TBCCD1: variants seen among roughly 807,000 people sequenced by gnomAD.
TBCCD1 encodes TBCC domain-containing protein 1.
TBCCD1 carries 26 observed loss-of-function variants against 53.4 expected under a neutral mutation model. The observed-to-expected ratio is 0.49, with a 90% confidence interval of 0.36 to 0.68. The LOEUF is 0.68. Ranked by LOEUF, TBCCD1 falls within the 30% of genes least tolerant of loss-of-function variation. The pLI is 0.00. For synonymous variants in TBCCD1, 245 were observed against 241.7 expected, an observed-to-expected ratio of 1.01 and a Z score of -0.13; for missense variants, 558 against 669.5, an observed-to-expected ratio of 0.83 and a Z score of 1.84.
At chr3:186,562,581 A>G (rs1714717824) in intron 2 of TBCCD1, among the ~76,000 whole-genome samples, 1 of 152,224 alleles carries the variant, frequency 6.6e-6, no homozygotes, top group Admixed American at 6.5e-5. Flanking sequence ...TCCGTTATGC[A>G]AGAAAATTAA....
At chr3:186,547,125 G>A (rs544103339) in intron 7 of TBCCD1, among the ~76,000 whole-genome samples, 170 bp from the exon 8 acceptor site, 2 of 152,108 alleles carry the variant, frequency 1.3e-5, no homozygotes, top group Non-Finnish European at 2.9e-5. Context: ...TTTGCTAGGT[G>A]TAATGTTAGA....
rs1714553313 is a variant in TBCCD1 at position 186,556,690 on chromosome 3, G to C, written c.578C>G (p.Thr193Ser). The change falls in exon 4 of 8, where the codon ACT (threonine) becomes AGT (serine). Residue 193 changes from threonine (T) to serine (S), a missense_variant. Thr to Ser is a moderately conservative substitution (Grantham distance 58). Transcript: ENST00000338733. The stretch of plus-strand genomic sequence containing the variant: ...ACTATGGGTTGAATGAAATGATGCA[G>C]TGAGTTGTTTTGGATCTAAAAGCAG... ...LELLLDPKQLTASFHSTHSSL... is the reference protein window; with the variant it reads ...LELLLDPKQLSASFHSTHSSL... 4 of 1,614,172 alleles carry C rather than the reference G, an allele frequency of 2.5e-6. No homozygotes were observed. Among genetic ancestry groups the C allele is most frequent in the African/African-American group, 1.3e-5 (1 of 75,034 alleles).
intron 6 of TBCCD1, chr3:186,553,223 T>C (rs1156476289): frequency 6.6e-6 from 1 of 152,250 alleles, no homozygotes; most frequent in East Asian, 1.9e-4. Flanking sequence ...CACATGTATA[T>C]GCAGGAGCTT....
upstream of TBCCD1, among the ~76,000 whole-genome samples, chr3:186,569,235 A>T (rs1714932900): frequency 6.6e-6 from 1 of 152,072 alleles, no homozygotes; most frequent in Admixed American, 6.6e-5. Context: ...TGGAGTTGGG[A>T]TTTTATTCTA....
chr3:186,570,118 G>C (rs1714972087), upstream of TBCCD1: 1 of 702,482 alleles, frequency 1.4e-6, no homozygotes, highest in East Asian at 2.7e-5. Flanking sequence ...ACTAAGAAGC[G>C]GTGGAAGCCG....
chr3:186,565,111 T>TC (rs201631209), intron 1 of TBCCD1, among the ~76,000 whole-genome samples: 249 of 140,028 alleles, frequency 1.8e-3, no homozygotes, highest in Middle Eastern at 7.1e-3. Context: ...TTCTTCTTCT[T>TC]TTTTTTTTTT....
At position 186,558,414 on chromosome 3, in the gene TBCCD1, T is replaced by C. The variant is rs1354325035; in HGVS notation, c.492+3A>G. On this transcript the variant is annotated splice_donor_region_variant and intron_variant, in intron 3 of 7. Coordinates refer to ENST00000338733, the MANE Select transcript of TBCCD1 (RefSeq NM_018138.5). The stretch of plus-strand genomic sequence containing the variant: ...GAGAATGAGATCAAGATATAAGGAG[T>C]ACCTTATTATGACAATTAGATTTTT... 2.5e-6 allele frequency: 4 copies of C among 1,612,800 alleles called. No homozygotes were observed. In the African/African-American group the frequency reaches 4.0e-5, roughly 16 times the overall value.
rs769900124 is a variant in TBCCD1 at position 186,551,290 on chromosome 3, G to A, written c.1545-11C>T. On this transcript the variant is annotated splice_polypyrimidine_tract_variant and intron_variant, in intron 6 of 7. Coordinates refer to ENST00000338733, the MANE Select transcript of TBCCD1 (RefSeq NM_018138.5). ...TGCTTCCTTTGATCCCTAAAATTGC[G>A]ATTATGAGTAAAAAGAATATAAGAA... 7.5e-6 allele frequency: 12 copies of A among 1,608,060 alleles called. No individual in the cohort carries two copies. The highest frequency in any genetic ancestry group is 2.2e-5 in the East Asian group (1 of 44,830).
chr3:186,562,475 A>G lies in TBCCD1; in HGVS notation c.336+1519T>C, dbSNP rs145011523. On this transcript the variant is annotated intron_variant, in intron 2 of 7. Coordinates refer to ENST00000338733, the MANE Select transcript of TBCCD1 (RefSeq NM_018138.5). ...GTAATCTCACTTATATGTGGAATCT[A>G]AAATAGTCAAACTCATAAAAACAGA... 9.7e-3 allele frequency among the ~76,000 whole-genome samples: 1,470 copies of G among 152,290 alleles called. 20 individuals are homozygous for G. Among genetic ancestry groups the G allele is most frequent in the African/African-American group, 0.033 (1,378 of 41,550 alleles).
At chr3:186,556,976 T>C (rs1714561552) in intron 3 of TBCCD1, among the ~76,000 whole-genome samples, 1 of 152,224 alleles carries the variant, frequency 6.6e-6, no homozygotes, top group Admixed American at 6.5e-5. Flanking sequence ...TTAACAAGCA[T>C]GATGGCTATT....
chr3:186,565,109 CT>C (rs370017010), intron 1 of TBCCD1, among the ~76,000 whole-genome samples: 283 of 124,740 alleles, frequency 2.3e-3, no homozygotes, highest in Admixed American at 4.8e-3. Context: ...TCTTCTTCTT[CT>C]TTTTTTTTTT....
At chr3:186,566,241 T>C (rs1191098269) in intron 1 of TBCCD1, among the ~76,000 whole-genome samples, 1 of 152,334 alleles carries the variant, frequency 6.6e-6, no homozygotes, top group Admixed American at 6.5e-5. Context: ...GGTTTCACCA[T>C]GTTGGCCAGG....
intron 2 of TBCCD1, among the ~76,000 whole-genome samples, chr3:186,562,358 G>A (rs998952967): frequency 6.6e-6 from 1 of 152,142 alleles, no homozygotes; most frequent in African/African-American, 2.4e-5. Context: ...AAAACAGAAA[G>A]AGAGAGAAAT....
intron 3 of TBCCD1, 140 bp downstream of exon 3, chr3:186,558,277 T>G: frequency 9.0e-7 from 1 of 1,105,112 alleles, no homozygotes; most frequent in Non-Finnish European, 1.3e-6. Flanking sequence ...GTTTTATAAT[T>G]TAAAAAAAAA....
rs143753735 is a variant in TBCCD1 at position 186,548,491 on chromosome 3, C to A, written c.*22-1536G>T. ...GAATATACTTAAAAGCTACTGAATTCTTTACTTTAAAAAGGTGAATTTACT... is the reference window on the plus strand; with the variant it reads ...GAATATACTTAAAAGCTACTGAATTATTTACTTTAAAAAGGTGAATTTACT... On this transcript the variant is annotated intron_variant, in intron 7 of 7. Transcript: ENST00000338733. Among the ~76,000 whole-genome samples, 125 of 152,268 alleles carry A rather than the reference C, an allele frequency of 8.2e-4. 1 individual carries two copies. The highest frequency in any genetic ancestry group is 2.9e-3 in the African/African-American group (119 of 41,556).
chr3:186,564,033 G>A lies in TBCCD1; in HGVS notation c.297C>T (p.Asn99=). 6.2e-7 allele frequency: 1 copy of A among 1,613,784 alleles called. No homozygotes were observed. Among genetic ancestry groups the A allele is most frequent in the South Asian group, 1.1e-5 (1 of 91,054 alleles). The change falls in exon 2 of 8, where the codon AAC becomes AAT. Residue 99 remains asparagine, a synonymous_variant. Transcript: ENST00000338733. The stretch of plus-strand genomic sequence containing the variant: ...TTTCAACTTCCTCCTCAGACATGCA[G>A]TTGGACAGAACCTCAGACCATTCCA... ...ERLEWSEVLS[N]CMSEEEVEKQ... is the part of the protein sequence containing the mutation.
intron 7 of TBCCD1, among the ~76,000 whole-genome samples, chr3:186,547,603 A>G (rs1043611673): frequency 1.4e-5 from 2 of 146,292 alleles, no homozygotes; most frequent in Admixed American, 6.8e-5. Flanking sequence ...ATATTGCTAA[A>G]TTCTTTTTTT....
intron 3 of TBCCD1, among the ~76,000 whole-genome samples, chr3:186,557,791 T>C (rs1578970393): frequency 1.3e-5 from 2 of 152,164 alleles, no homozygotes; most frequent in Admixed American, 6.6e-5. Context: ...AAGTTCCAAA[T>C]AGCAAAGAGA....
chr3:186,556,318 A>G (rs1199306358), intron 4 of TBCCD1, 91 bp downstream of exon 4: 2 of 1,436,036 alleles, frequency 1.4e-6, no homozygotes, highest in Non-Finnish European at 1.9e-6. Context: ...TAGGTCTTCT[A>G]GAGAAGACAC....
Sources: gnomAD v4.1 joint callset for allele counts (sites outside exome capture counted in the v4.1 genomes callset) on GRCh38, gnomAD v4.1.1 for gene constraint, MANE v1.5 for transcripts, NCBI Gene and HGNC (gene_info 2026-07-23, HGNC 2026-07-21) for gene names.